The following HOOK3 variants were observed in gnomAD, a reference collection of about 807,000 sequenced individuals.
HOOK3 encodes the protein protein Hook homolog 3.
A neutral mutation model predicts 116.3 loss-of-function variants in HOOK3; 24 were observed. The observed-to-expected ratio is 0.21, with a 90% CI of 0.15 to 0.29. HOOK3 has a LOEUF of 0.29. Ranked by LOEUF, HOOK3 falls within the 10% of genes least tolerant of loss-of-function variation. HOOK3 has a pLI of 1.00. For missense variants in HOOK3, 632 were observed against 830.2 expected, an observed-to-expected ratio of 0.76 and a Z score of 2.93; for synonymous variants, 275 against 283.0, an observed-to-expected ratio of 0.97 and a Z score of 0.28.
rs564406306 is a variant in HOOK3, at chr8:43,027,529, G to A, written c.*9031G>A. The A allele has an allele frequency of 2.5e-5, 9 of 354,044 alleles. No homozygotes were observed. Among genetic ancestry groups the A allele is most frequent in the African/African-American group, 8.5e-5 (4 of 47,158 alleles). The allele number at this position is 354,044 out of a possible 1,614,324, so 21.9% of individuals were successfully genotyped here. On this transcript the variant is annotated 3_prime_UTR_variant, in exon 22 of 22. Transcript: ENST00000307602. Reference sequence around the variant, plus strand: ...AGAAGCTCATCTAGAAGAGAGCAACGCTGGAATAGAGAAGTCTAGACCCTG... The same window carrying A: ...AGAAGCTCATCTAGAAGAGAGCAACACTGGAATAGAGAAGTCTAGACCCTG...
At chr8:43,009,153 G>T (rs1035445255) in intron 18 of HOOK3, among the ~76,000 whole-genome samples, 30 of 151,712 alleles carry the variant, frequency 2.0e-4, no homozygotes, top group Non-Finnish European at 2.9e-5. Flanking sequence ...TGTAATCCTA[G>T]CACTTATTTG....
At chr8:42,941,997 C>T (rs371130409) in intron 4 of HOOK3, among the ~76,000 whole-genome samples, 1 of 152,302 alleles carries the variant, frequency 6.6e-6, no homozygotes, top group African/African-American at 2.4e-5. Flanking sequence ...CGGTGACTCA[C>T]GCCTGTAATC....
At chr8:42,931,610 T>G (rs1197495560) in intron 4 of HOOK3, among the ~76,000 whole-genome samples, 3 of 150,694 alleles carry the variant, frequency 2.0e-5, no homozygotes, top group African/African-American at 7.3e-5. Context: ...TTTTTTGTAT[T>G]TTTAGTAGAG....
chr8:43,008,651 ATTTTTATTTTTAT>A (rs1809540623), intron 18 of HOOK3, among the ~76,000 whole-genome samples: 1 of 146,434 alleles, frequency 6.8e-6, no homozygotes, highest in African/African-American at 2.5e-5. Flanking sequence ...TTTTATTTTT[ATTTTTATTTTTAT>A]TTTTTTTTTT....
Position 42,959,295 on chromosome 8 carries a change from G to T in HOOK3, c.596G>T (p.Cys199Phe). The T allele has an allele frequency of 6.2e-7, 1 of 1,612,290 alleles. No individual in the cohort carries two copies. The highest frequency in any genetic ancestry group is 8.5e-7 in the Non-Finnish European group (1 of 1,178,398). ...LSAKEEIAQR[C>F]HELDMQVAAL... is the part of the protein sequence containing the mutation. ...GCAAAGGAAGAAATTGCTCAAAGATGCCATGAACTGGATATGCAGGTAAGA... is the reference window on the plus strand; with the variant it reads ...GCAAAGGAAGAAATTGCTCAAAGATTCCATGAACTGGATATGCAGGTAAGA... The change falls in exon 8 of 22, where the codon TGC (cysteine) becomes TTC (phenylalanine). Residue 199 changes from cysteine (C) to phenylalanine (F), a missense_variant. Around this residue, in one of 3 missense-constraint regions of HOOK3, gnomAD observed 483 missense variants for 648.1 expected, o/e 0.75. Transcript: ENST00000307602.
chr8:42,986,555 A>T, intron 14 of HOOK3, 100 bp from the exon 15 acceptor site: 1 of 826,692 alleles, frequency 1.2e-6, no homozygotes, highest in Non-Finnish European at 1.8e-6. Flanking sequence ...TTCTGGTATT[A>T]AATTTGTAAG....
intron 2 of HOOK3, among the ~76,000 whole-genome samples, chr8:42,912,327 T>C (rs1807447384): frequency 6.6e-6 from 1 of 152,062 alleles, no homozygotes; most frequent in Admixed American, 6.5e-5. Flanking sequence ...TTTTATCTGA[T>C]TTACAGCCTT....
chr8:42,914,132 A>G lies in HOOK3; in HGVS notation c.143+7874A>G, dbSNP rs114997677. Among the ~76,000 whole-genome samples, 557 of 152,242 alleles carry G rather than the reference A, an allele frequency of 3.7e-3. 3 individuals carry two copies. The highest frequency in any genetic ancestry group is 0.013 in the African/African-American group (531 of 41,528). ...GAAACTCATGGTCGTGCTCCTCCAT[A>G]CTGCTTCTAGCCACACCTTCATTTT... On this transcript the variant is annotated intron_variant, in intron 2 of 21. Transcript: ENST00000307602.
At chr8:42,938,403 G>T (rs932850225) in intron 4 of HOOK3, among the ~76,000 whole-genome samples, 2 of 152,192 alleles carry the variant, frequency 1.3e-5, no homozygotes, top group African/African-American at 4.8e-5. Flanking sequence ...TACATTTAAG[G>T]TTAATACTAT....
intron 15 of HOOK3, among the ~76,000 whole-genome samples, chr8:42,993,461 G>GT (rs991129700): frequency 1.3e-4 from 19 of 151,560 alleles, no homozygotes; most frequent in Admixed American, 1.1e-3. Context: ...GTTTTGTTTT[G>GT]TTTTTTTTCT....
chr8:42,981,370 T>C (rs1053809715), intron 13 of HOOK3, among the ~76,000 whole-genome samples: 1 of 152,114 alleles, frequency 6.6e-6, no homozygotes, highest in African/African-American at 2.4e-5. Context: ...GTGTTTCTTA[T>C]AAATTACTGA....
intron 3 of HOOK3, among the ~76,000 whole-genome samples, chr8:42,929,066 A>G (rs1586595649): frequency 1.3e-5 from 2 of 152,208 alleles, no homozygotes; most frequent in East Asian, 3.9e-4. Flanking sequence ...ATACATAAAT[A>G]AAGATAAGAT....
intron 5 of HOOK3, among the ~76,000 whole-genome samples, chr8:42,945,767 T>C (rs1018789028): frequency 6.6e-6 from 1 of 152,230 alleles, no homozygotes. Context: ...ACCACTAACA[T>C]AGAATTAGAG....
intron 15 of HOOK3, among the ~76,000 whole-genome samples, chr8:42,992,228 G>A (rs542346653): frequency 6.0e-5 from 9 of 150,612 alleles, no homozygotes; most frequent in Non-Finnish European, 1.2e-4. Flanking sequence ...GTGAAACCCC[G>A]TCTCTGCTAA....
intron 2 of HOOK3, among the ~76,000 whole-genome samples, chr8:42,922,894 AGAAG>A (rs1807684641): frequency 1.3e-5 from 2 of 151,698 alleles, no homozygotes; most frequent in Non-Finnish European, 2.9e-5. Flanking sequence ...AAAAAAAAAA[AGAAG>A]GAAAGAAAGT....
intron 1 of HOOK3, among the ~76,000 whole-genome samples, chr8:42,905,471 A>G (rs943706802): frequency 6.6e-6 from 1 of 151,962 alleles, no homozygotes; most frequent in Non-Finnish European, 1.5e-5. Context: ...ACTTAAATCA[A>G]CAGGAGATTG....
At chr8:42,978,841 G>C (rs1343226380) in intron 13 of HOOK3, among the ~76,000 whole-genome samples, 1 of 152,224 alleles carries the variant, frequency 6.6e-6, no homozygotes, top group East Asian at 1.9e-4. Context: ...GTGCTACCGC[G>C]CCCAGCCAGA....
intron 4 of HOOK3, among the ~76,000 whole-genome samples, chr8:42,942,933 A>G (rs995562925): frequency 6.6e-6 from 1 of 152,206 alleles, no homozygotes; most frequent in Non-Finnish European, 1.5e-5. Context: ...CAAGGTGGCT[A>G]GTGAGAATCT....
At chr8:42,914,891 C>A (rs535129430) in intron 2 of HOOK3, among the ~76,000 whole-genome samples, 1 of 152,204 alleles carries the variant, frequency 6.6e-6, no homozygotes, top group South Asian at 2.1e-4. Flanking sequence ...TGGAGATGGG[C>A]GGATCACTTG....
Sources: gnomAD v4.1 joint callset for allele counts (sites outside exome capture counted in the v4.1 genomes callset) on GRCh38, gnomAD v4.1.1 for gene constraint, gnomAD v4.1.1 regional missense constraint, MANE v1.5 for transcripts, NCBI Gene and HGNC (gene_info 2026-07-23, HGNC 2026-07-21) for gene names.